The following G2E3 variants were observed in gnomAD, a reference collection of about 807,000 sequenced individuals.
G2E3 encodes the protein G2/M-phase specific E3 ubiquitin protein ligase, also known as G2/M phase-specific E3 ubiquitin-protein ligase.
In G2E3, 35 loss-of-function variants were observed where a neutral mutation model predicts 92.8. The observed-to-expected ratio is 0.38, with a 90% CI of 0.29 to 0.50. The LOEUF (loss-of-function observed/expected upper bound fraction) is 0.50. Ranked by LOEUF, G2E3 falls within the 20% of genes least tolerant of loss-of-function variation. The probability of loss-of-function intolerance (pLI) is 0.94; values close to 1 mark genes in which losing one functional copy is unlikely to be tolerated. For missense variants in G2E3, 554 were observed against 823.8 expected (o/e 0.67, Z 4.01); for synonymous variants, 242 against 272.4 (o/e 0.89, Z 1.10).
rs1266167694 is a variant in G2E3 at position 30,619,446 on chromosome 14, TA to T, written c.*2913del. ...ACATTATAAACATGTAATTCTTTTA[TA>T]TAGTGATTATCATGTACTGCATTGT... On this transcript the variant is annotated 3_prime_UTR_variant, in exon 15 of 15. Transcript: ENST00000206595. 1 of 152,184 alleles carries T rather than the reference TA, an allele frequency of 6.6e-6. No individual in the cohort carries two copies. The highest frequency in any genetic ancestry group is 1.5e-5 in the Non-Finnish European group (1 of 67,980). The allele number at this position is 152,184 out of a possible 1,614,324, so 9.4% of individuals were successfully genotyped here. A position where few individuals can be genotyped will look rare whatever the true frequency, so the allele number is the denominator to read the frequency against.
chr14:30,590,774 G>C, intron 4 of G2E3: 1 of 455,398 alleles, frequency 2.2e-6, no homozygotes, highest in Admixed American at 2.4e-5. Context: ...TGAGATATTA[G>C]TATCATAATT....
At chr14:30,585,181 A>G (rs978379415) in intron 2 of G2E3, among the ~76,000 whole-genome samples, 1 of 152,022 alleles carries the variant, frequency 6.6e-6, no homozygotes, top group African/African-American at 2.4e-5. Flanking sequence ...ATGAAGTCCA[A>G]TTATCATTTT....
chr14:30,579,413 A>C (rs75067601), intron 1 of G2E3, among the ~76,000 whole-genome samples: 2,944 of 152,306 alleles, frequency 0.019, 51 homozygotes, highest in Middle Eastern at 0.034. Flanking sequence ...TTGAACTATG[A>C]CTTTTTAGGA....
At chr14:30,572,313 G>GAGTA (rs1377654498) in intron 1 of G2E3, among the ~76,000 whole-genome samples, 1 of 152,102 alleles carries the variant, frequency 6.6e-6, no homozygotes, top group Admixed American at 6.6e-5. Context: ...TTTTCCCTTG[G>GAGTA]AGTACACTGT....
intron 13 of G2E3, among the ~76,000 whole-genome samples, chr14:30,614,552 A>G (rs1049021431): frequency 2.6e-5 from 4 of 152,194 alleles, no homozygotes; most frequent in Non-Finnish European, 5.9e-5. Flanking sequence ...CTCACCTCTT[A>G]AGGACCCTAT....
intron 8 of G2E3, 137 bp from the exon 9 acceptor site, chr14:30,601,633 C>A (rs986597575): frequency 1.3e-6 from 1 of 778,372 alleles, no homozygotes; most frequent in Admixed American, 2.4e-5. Context: ...AGCAGATAAT[C>A]TTTTTCTTCC....
At chr14:30,566,618 T>A (rs1566523479) in intron 1 of G2E3, among the ~76,000 whole-genome samples, 1 of 152,254 alleles carries the variant, frequency 6.6e-6, no homozygotes, top group Admixed American at 6.5e-5. Context: ...TTAGTAGCTC[T>A]AACAGTTTTT....
Position 30,619,341 on chromosome 14 carries a change from G to T in G2E3, c.*2807G>T, listed in dbSNP as rs1882457944. ...TCAGTGCTAAATACTAAGTCAAGGGGAGTATATTAGGTAAGTTTTTTCAGT... is the reference window on the plus strand; with the variant it reads ...TCAGTGCTAAATACTAAGTCAAGGGTAGTATATTAGGTAAGTTTTTTCAGT... On this transcript the variant is annotated 3_prime_UTR_variant, in exon 15 of 15. Transcript: ENST00000206595. 1 of 152,066 alleles carries T rather than the reference G, an allele frequency of 6.6e-6. No homozygotes were observed. Among genetic ancestry groups the T allele is most frequent in the Admixed American group, 6.5e-5 (1 of 15,280 alleles). 9.4% of individuals were successfully genotyped at this position (152,066 alleles called of 1,614,324 possible).
At chr14:30,561,916 A>C (rs1879125385) in intron 1 of G2E3, among the ~76,000 whole-genome samples, 1 of 151,430 alleles carries the variant, frequency 6.6e-6, no homozygotes, top group South Asian at 2.1e-4. Flanking sequence ...TTTAGTAGAG[A>C]TTTTAGTGAT....
chr14:30,614,005 A>T (rs1309654648), intron 13 of G2E3, among the ~76,000 whole-genome samples: 2 of 151,990 alleles, frequency 1.3e-5, no homozygotes, highest in African/African-American at 4.8e-5. Context: ...TTCATTTTTT[A>T]TTTTTAGTGA....
intron 2 of G2E3, among the ~76,000 whole-genome samples, chr14:30,581,395 G>T (rs1880424377): frequency 6.6e-6 from 1 of 152,152 alleles, no homozygotes. Flanking sequence ...TTTAAACAGT[G>T]TGTAAAAGTT....
At chr14:30,571,433 T>A (rs1217870785) in intron 1 of G2E3, among the ~76,000 whole-genome samples, 5 of 152,062 alleles carry the variant, frequency 3.3e-5, no homozygotes, top group African/African-American at 4.8e-5. Flanking sequence ...TTAACTATGT[T>A]TTTTTGATTA....
chr14:30,573,394 C>T (rs1879880261), intron 1 of G2E3: 3 of 147,946 alleles, frequency 2.0e-5, no homozygotes, highest in African/African-American at 7.7e-5. Context: ...TCCAGAGAAA[C>T]AGAAACAACA....
At chr14:30,606,203 T>G (rs1465216025) in intron 11 of G2E3, among the ~76,000 whole-genome samples, 1 of 152,058 alleles carries the variant, frequency 6.6e-6, no homozygotes, top group Non-Finnish European at 1.5e-5. Flanking sequence ...CTGGTCCACA[T>G]GTAACCAATT....
At chr14:30,596,835 T>C (rs1881315052) in intron 6 of G2E3, among the ~76,000 whole-genome samples, 1 of 152,236 alleles carries the variant, frequency 6.6e-6, no homozygotes, top group Non-Finnish European at 1.5e-5. Context: ...GAGTTAACTA[T>C]CTGTTAAATA....
chr14:30,603,210 C>T (rs1179949207), intron 10 of G2E3, among the ~76,000 whole-genome samples: 1 of 151,726 alleles, frequency 6.6e-6, no homozygotes, highest in Non-Finnish European at 1.5e-5. Flanking sequence ...TCTGTAGTCC[C>T]AGCTACTTGG....
intron 4 of G2E3, 78 bp downstream of exon 4, chr14:30,589,562 A>G: frequency 1.3e-6 from 1 of 749,392 alleles, no homozygotes; most frequent in Non-Finnish European, 2.3e-6. Context: ...CAGTTTCTGT[A>G]CTAGAAATTT....
chr14:30,570,860 T>C (rs540875162), intron 1 of G2E3, among the ~76,000 whole-genome samples: 1 of 152,114 alleles, frequency 6.6e-6, no homozygotes, highest in Non-Finnish European at 1.5e-5. Context: ...TTTCAGAAAA[T>C]ATATTGTGGA....
chr14:30,563,159 GT>G (rs777808352), intron 1 of G2E3, among the ~76,000 whole-genome samples: 259 of 142,608 alleles, frequency 1.8e-3, no homozygotes, highest in East Asian at 0.013. Context: ...TCTTGGTACA[GT>G]TTTTTTTTTT....
Sources: gnomAD v4.1 joint callset for allele counts (sites outside exome capture counted in the v4.1 genomes callset) on GRCh38, gnomAD v4.1.1 for gene constraint, MANE v1.5 for transcripts, NCBI Gene and HGNC (gene_info 2026-07-23, HGNC 2026-07-21) for gene names.